Variants in MYT1L observed in about 807,000 individuals in gnomAD.
MYT1L encodes myelin transcription factor 1-like protein.
A neutral mutation model predicts 126.7 loss-of-function variants in MYT1L; 12 were observed. The ratio of observed to expected loss-of-function variants is 0.09; its 90% CI spans 0.06 to 0.15. The LOEUF is 0.15. MYT1L is among the 10% of genes least tolerant of loss of function. The probability of loss-of-function intolerance (pLI) is 1.00; values close to 1 mark genes in which losing one functional copy is unlikely to be tolerated. For synonymous variants in MYT1L, 541 were observed against 604.2 expected (o/e 0.90, Z 1.53); for missense variants, 979 against 1,585.2 (o/e 0.62, Z 6.49).
intron 5 of MYT1L, among the ~76,000 whole-genome samples, chr2:1,989,436 ATCT>A (rs1220577434): frequency 3.9e-5 from 6 of 152,120 alleles, no homozygotes; most frequent in Non-Finnish European, 8.8e-5. Context: ...TGCACCCTAC[ATCT>A]TCTCATTCTG....
chr2:1,814,567 A>T (rs1349075173), intron 21 of MYT1L, among the ~76,000 whole-genome samples: 1 of 152,162 alleles, frequency 6.6e-6, no homozygotes, highest in Non-Finnish European at 1.5e-5. Flanking sequence ...GACTGACATC[A>T]TGTCAGTGAT....
chr2:2,203,615 A>C (rs564431741), intron 2 of MYT1L, among the ~76,000 whole-genome samples: 1 of 152,054 alleles, frequency 6.6e-6, no homozygotes, highest in African/African-American at 2.4e-5. Context: ...AAAAGAGGAC[A>C]CAAACAAATG....
chr2:2,022,458 A>G (rs2065132574), intron 4 of MYT1L, among the ~76,000 whole-genome samples: 1 of 152,132 alleles, frequency 6.6e-6, no homozygotes, highest in East Asian at 1.9e-4. Context: ...TTTTAAACAA[A>G]AGGATACACA....
chr2:2,201,504 C>A (rs1437463031), intron 2 of MYT1L, among the ~76,000 whole-genome samples: 3 of 152,052 alleles, frequency 2.0e-5, no homozygotes, highest in Non-Finnish European at 4.4e-5. Context: ...TTGAGACCAG[C>A]CTGGCAAACA....
intron 21 of MYT1L, among the ~76,000 whole-genome samples, chr2:1,820,365 A>G (rs2038356630): frequency 6.6e-6 from 1 of 151,990 alleles, no homozygotes; most frequent in African/African-American, 2.4e-5. Flanking sequence ...CTTTCTCTGT[A>G]TCCCCACTCC....
intron 1 of MYT1L, among the ~76,000 whole-genome samples, chr2:2,302,462 TGAG>T (rs1266265773): frequency 6.6e-6 from 1 of 152,106 alleles, no homozygotes; most frequent in African/African-American, 2.4e-5. Context: ...TTTGAAATGG[TGAG>T]GAGGAGGGGT....
chr2:2,295,843 C>G (rs371970626), intron 1 of MYT1L, among the ~76,000 whole-genome samples: 1 of 136,288 alleles, frequency 7.3e-6, no homozygotes, highest in African/African-American at 2.8e-5. Context: ...AGAGAGGGGA[C>G]GGGAGGTAGC....
chr2:2,197,285 A>G (rs1375440315), intron 2 of MYT1L, among the ~76,000 whole-genome samples: 4 of 152,164 alleles, frequency 2.6e-5, no homozygotes, highest in Non-Finnish European at 5.9e-5. Flanking sequence ...AACATCTACT[A>G]TGAGATAATA....
intron 18 of MYT1L, among the ~76,000 whole-genome samples, chr2:1,854,073 T>C (rs1431864057): frequency 2.0e-5 from 3 of 152,196 alleles, no homozygotes; most frequent in African/African-American, 7.2e-5. Flanking sequence ...TAATAGCACT[T>C]TCCCAATTTA....
At chr2:2,004,929 TTCTTTCCTGC>T (rs2063036708) in intron 4 of MYT1L, among the ~76,000 whole-genome samples, 1 of 150,014 alleles carries the variant, frequency 6.7e-6, no homozygotes, top group African/African-American at 2.4e-5. Context: ...CCTGCAGGCA[TTCTTTCCTGC>T]ATGCGTTCTT....
At chr2:2,096,699 T>G (rs1298400158) in intron 3 of MYT1L, among the ~76,000 whole-genome samples, 5 of 152,134 alleles carry the variant, frequency 3.3e-5, no homozygotes, top group African/African-American at 1.2e-4. Flanking sequence ...GCATTGCAGG[T>G]GTGGAGAGTG....
intron 3 of MYT1L, among the ~76,000 whole-genome samples, chr2:2,167,733 G>C (rs983013884): frequency 2.0e-5 from 3 of 152,174 alleles, no homozygotes; most frequent in African/African-American, 7.2e-5. Context: ...GCCTTCTCCA[G>C]GAACACTCAG....
intron 3 of MYT1L, among the ~76,000 whole-genome samples, chr2:2,094,306 T>C (rs1240343892): frequency 6.6e-6 from 1 of 152,128 alleles, no homozygotes; most frequent in African/African-American, 2.4e-5. Flanking sequence ...TAGGAACACT[T>C]TTACATTGTT....
intron 1 of MYT1L, among the ~76,000 whole-genome samples, chr2:2,295,447 A>G (rs1401844775): frequency 6.6e-6 from 1 of 152,070 alleles, no homozygotes; most frequent in Non-Finnish European, 1.5e-5. Flanking sequence ...CACCCTGAGC[A>G]TCAGTGCTTT....
chr2:2,255,791 C>T (rs1291268202), intron 2 of MYT1L, among the ~76,000 whole-genome samples: 7 of 152,100 alleles, frequency 4.6e-5, no homozygotes, highest in Admixed American at 4.6e-4. Flanking sequence ...GCTCTGGAGG[C>T]CGTTTCTAGT....
intron 3 of MYT1L, among the ~76,000 whole-genome samples, chr2:2,165,600 A>G (rs934426632): frequency 6.6e-6 from 1 of 152,214 alleles, no homozygotes; most frequent in African/African-American, 2.4e-5. Flanking sequence ...AGCTGTTTTA[A>G]TGTATAAAAC....
At chr2:2,104,798 G>A (rs1270641765) in intron 3 of MYT1L, among the ~76,000 whole-genome samples, 1 of 152,204 alleles carries the variant, frequency 6.6e-6, no homozygotes, top group African/African-American at 2.4e-5. Context: ...GCATGGTTGG[G>A]GGAGGGCAGG....
intron 4 of MYT1L, among the ~76,000 whole-genome samples, chr2:2,050,533 C>T (rs569682720): frequency 4.6e-5 from 7 of 152,274 alleles, no homozygotes; most frequent in Non-Finnish European, 8.8e-5. Flanking sequence ...CAGGTGTTCA[C>T]GGCTCAGCAA....
intron 3 of MYT1L, among the ~76,000 whole-genome samples, chr2:2,063,439 C>CG (rs1486082819): frequency 6.6e-6 from 1 of 152,078 alleles, no homozygotes; most frequent in Non-Finnish European, 1.5e-5. Flanking sequence ...TCTGACCTGT[C>CG]GGGGGTCTTT....
Sources: allele counts gnomAD v4.1 joint callset (sites outside exome capture counted in the v4.1 genomes callset), GRCh38; gene constraint gnomAD v4.1.1; transcripts MANE v1.5; gene names NCBI Gene and HGNC (gene_info 2026-07-23, HGNC 2026-07-21).